Variants in PKIB observed in about 807,000 individuals in gnomAD.
The protein encoded by PKIB is cAMP-dependent protein kinase inhibitor beta, also known as PKI-beta.
In PKIB, 2 loss-of-function variants were observed where a neutral mutation model predicts 4.5. The ratio of observed to expected loss-of-function variants is 0.44; its 90% CI spans 0.18 to 1.39. The LOEUF is 1.39. Among genes scored for constraint, PKIB ranks in the 40% most tolerant of loss-of-function variants. PKIB has a pLI of 0.27. For synonymous variants in PKIB, 38 were observed against 36.0 expected, an observed-to-expected ratio of 1.06 and a Z score of -0.20; for missense variants, 94 against 92.6, an observed-to-expected ratio of 1.02 and a Z score of -0.06.
At chr6:122,701,517 T>C (rs961007045) in intron 3 of PKIB, 1 of 1,593,044 alleles carries the variant, frequency 6.3e-7, no homozygotes, top group Non-Finnish European at 8.5e-7. Context: ...TTAACAACCA[T>C]TTTCTTCTTG....
Position 122,537,641 on chromosome 6 carries a change from G to A in PKIB, c.-247-48280G>A, listed in dbSNP as rs894662030. ...GTGAATAGTGCCACAATAAACATAC[G>A]TGTGCATGTGTCTTTATAGCAGCAT... On this transcript the variant is annotated intron_variant, in intron 2 of 6. Coordinates refer to the PKIB transcript ENST00000392491. Among the ~76,000 whole-genome samples the A allele has an allele frequency of 5.3e-5, 8 of 152,258 alleles. No homozygotes were observed. The East Asian group carries it at 5.8e-4, about 11-fold the overall frequency.
rs956528746 is a variant in PKIB at position 122,710,035 on chromosome 6, A to G, written c.-8-7752A>G. On this transcript the variant is annotated intron_variant, in intron 3 of 4. Transcript: ENST00000368452. ...TATTATTTATTTACTTTTGATCTTT[A>G]TTATGAATATTAATAATGTAAAGGA... 4.6e-4 allele frequency among the ~76,000 whole-genome samples: 70 copies of G among 152,276 alleles called. 1 individual carries two copies. The highest frequency in any genetic ancestry group is 1.6e-3 in the African/African-American group (68 of 41,564).
chr6:122,719,778 G>T (rs1038072066), intron 4 of PKIB, among the ~76,000 whole-genome samples: 4 of 150,114 alleles, frequency 2.7e-5, no homozygotes, highest in Non-Finnish European at 4.4e-5. Context: ...CAAAGTATGT[G>T]AGGTAATGGA....
At chr6:122,598,211 A>G (rs1288590975) in intron 3 of PKIB, among the ~76,000 whole-genome samples, 3 of 152,230 alleles carry the variant, frequency 2.0e-5, no homozygotes, top group African/African-American at 4.8e-5. Flanking sequence ...TCTCTGTTTT[A>G]TAATTCAAAT....
chr6:122,555,835 T>C (rs1772819964), intron 2 of PKIB, among the ~76,000 whole-genome samples: 1 of 152,196 alleles, frequency 6.6e-6, no homozygotes, highest in Non-Finnish European at 1.5e-5. Context: ...GCTAATCTCA[T>C]TATAACATGT....
Position 122,715,044 on chromosome 6 carries a change from C to T in PKIB, c.-8-2743C>T, listed in dbSNP as rs147384460. Among the ~76,000 whole-genome samples, 34 of 151,038 alleles carry T rather than the reference C, an allele frequency of 2.3e-4. No homozygotes were observed. The East Asian group carries it at 6.4e-3, about 29-fold the overall frequency. On this transcript the variant is annotated intron_variant, in intron 3 of 4. Coordinates refer to ENST00000368452, the MANE Select transcript of PKIB (RefSeq NM_181795.3). The stretch of plus-strand genomic sequence containing the variant: ...TCATGATCTGCTCACCTTGGCCTCC[C>T]AAAGTGCTGGGATTACAGGCATGAG...
chr6:122,482,269 A>C (rs1344529320), intron 2 of PKIB: 1 of 152,362 alleles, frequency 6.6e-6, no homozygotes, highest in Non-Finnish European at 1.5e-5. Context: ...CAGCAAAGGT[A>C]AGTTTAATTT....
At chr6:122,537,636 C>T (rs749386131) in intron 2 of PKIB, among the ~76,000 whole-genome samples, 1 of 152,142 alleles carries the variant, frequency 6.6e-6, no homozygotes, top group Non-Finnish European at 1.5e-5. Flanking sequence ...CCACAATAAA[C>T]ATACGTGTGC....
intron 2 of PKIB, among the ~76,000 whole-genome samples, chr6:122,647,322 A>G (rs919293722): frequency 6.6e-6 from 1 of 152,226 alleles, no homozygotes; most frequent in Non-Finnish European, 1.5e-5. Context: ...AGTCACATTT[A>G]TAAAATTCCT....
chr6:122,519,464 C>T (rs769718933), intron 2 of PKIB, among the ~76,000 whole-genome samples: 99 of 152,250 alleles, frequency 6.5e-4, no homozygotes, highest in Non-Finnish European at 1.0e-3. Context: ...CCCCCACCTC[C>T]GTCTGTGGAA....
intron 2 of PKIB, among the ~76,000 whole-genome samples, chr6:122,515,862 C>T (rs1409023228): frequency 5.9e-5 from 9 of 151,954 alleles, no homozygotes; most frequent in South Asian, 4.1e-4. Flanking sequence ...ACTACAGGCT[C>T]GCACCACCAC....
Position 122,518,727 on chromosome 6 carries a change from G to A in PKIB, c.-248+40788G>A, listed in dbSNP as rs539896324. Among the ~76,000 whole-genome samples the A allele has an allele frequency of 3.9e-5, 6 of 152,138 alleles. No individual in the cohort carries two copies. The South Asian group carries it at 8.3e-4, about 21-fold the overall frequency. On this transcript the variant is annotated intron_variant, in intron 2 of 6. Coordinates refer to the PKIB transcript ENST00000392491. The stretch of plus-strand genomic sequence containing the variant: ...TAACCATCATGACCCCTTTTAGACC[G>A]AGAAACTAAGGAGTGAAGAAGAATT...
chr6:122,484,010 G>A (rs901738075), intron 2 of PKIB: 2 of 152,154 alleles, frequency 1.3e-5, no homozygotes, highest in African/African-American at 4.8e-5. Flanking sequence ...TGTACGTGAA[G>A]GTCTTTGAGG....
rs1779934646 is a variant in PKIB, at chr6:122,725,882, A to G, written c.*687A>G. On this transcript the variant is annotated 3_prime_UTR_variant, in exon 5 of 5. Transcript: ENST00000368452. ...ACATGCCTATTAAATGAATTTTACT[A>G]TCTTCCCTAACTTTGGTCTGTGTAT... is the stretch of plus-strand genomic sequence containing the variant. 1 of 152,156 alleles carries G rather than the reference A, an allele frequency of 6.6e-6. No homozygotes were observed. The highest frequency in any genetic ancestry group is 2.4e-5 in the African/African-American group (1 of 41,434). 9.4% of individuals were successfully genotyped at this position (152,156 alleles called of 1,614,324 possible). A position where few individuals can be genotyped will look rare whatever the true frequency, so the allele number is the denominator to read the frequency against.
chr6:122,509,497 C>T (rs1259269734), intron 2 of PKIB, among the ~76,000 whole-genome samples: 1 of 151,346 alleles, frequency 6.6e-6, no homozygotes, highest in Non-Finnish European at 1.5e-5. Flanking sequence ...GTGGTGCGAT[C>T]TCGGCTCACT....
intron 2 of PKIB, among the ~76,000 whole-genome samples, chr6:122,565,719 T>C (rs560377437): frequency 6.6e-6 from 1 of 152,314 alleles, no homozygotes; most frequent in South Asian, 2.1e-4. Flanking sequence ...AATTCAACTT[T>C]TTAAGATTTT....
intron 2 of PKIB, among the ~76,000 whole-genome samples, chr6:122,669,680 T>C (rs974134924): frequency 1.3e-5 from 2 of 152,208 alleles, no homozygotes; most frequent in Non-Finnish European, 2.9e-5. Context: ...CCGCCTTGGC[T>C]GTTTTCCACC....
intron 2 of PKIB, among the ~76,000 whole-genome samples, chr6:122,538,740 A>T (rs1207749151): frequency 1.3e-5 from 2 of 151,992 alleles, no homozygotes; most frequent in African/African-American, 4.8e-5. Flanking sequence ...CTTGATGGGG[A>T]TGGCATTGAA....
intron 2 of PKIB, among the ~76,000 whole-genome samples, chr6:122,508,520 A>C (rs1255751719): frequency 6.6e-6 from 1 of 152,102 alleles, no homozygotes; most frequent in African/African-American, 2.4e-5. Flanking sequence ...AGTATGGGGG[A>C]AACCAACAAG....
Sources: gnomAD v4.1 joint callset for allele counts (sites outside exome capture counted in the v4.1 genomes callset) on GRCh38, gnomAD v4.1.1 for gene constraint, MANE v1.5 for transcripts, NCBI Gene and HGNC (gene_info 2026-07-23, HGNC 2026-07-21) for gene names.